Variants in RNF216 observed in about 807,000 individuals in gnomAD.
RNF216 encodes E3 ubiquitin-protein ligase RNF216.
Under a neutral mutation model 110.8 loss-of-function variants are expected in RNF216, and 72 were observed. That is an observed-to-expected ratio of 0.65 (90% CI 0.54 to 0.79). The LOEUF (loss-of-function observed/expected upper bound fraction) is 0.79. Ranked by LOEUF, RNF216 falls within the 30% of genes least tolerant of loss-of-function variation. The pLI is 0.00. For missense variants in RNF216, 1,342 were observed against 1,141.2 expected, an observed-to-expected ratio of 1.18 and a Z score of -2.54; for synonymous variants, 495 against 407.5, an observed-to-expected ratio of 1.21 and a Z score of -2.59.
intron 13 of RNF216, among the ~76,000 whole-genome samples, chr7:5,661,265 T>G (rs852421): frequency 0.12 from 18,297 of 152,120 alleles, 1,399 homozygotes; most frequent in African/African-American, 0.22. Context: ...TCGAAGGGAT[T>G]GGGTCTCACT....
At chr7:5,698,384 T>TACAC (rs376096873) in intron 13 of RNF216, among the ~76,000 whole-genome samples, 14,816 of 145,242 alleles carry the variant, frequency 0.1, 802 homozygotes, top group East Asian at 0.13. Context: ...GATTCTTTTA[T>TACAC]ACACACACAC....
At chr7:5,777,124 A>T (rs1037607397) in intron 1 of RNF216, among the ~76,000 whole-genome samples, 1 of 149,898 alleles carries the variant, frequency 6.7e-6, no homozygotes, top group African/African-American at 2.5e-5. Context: ...GAGCCAGTGG[A>T]GCCCGGCCTT....
intron 13 of RNF216, among the ~76,000 whole-genome samples, chr7:5,671,543 G>GC (rs1789910723): frequency 6.6e-6 from 1 of 152,076 alleles, no homozygotes; most frequent in South Asian, 2.1e-4. Flanking sequence ...GGTGGCTCAC[G>GC]CCTGTAATCC....
intron 9 of RNF216, among the ~76,000 whole-genome samples, chr7:5,718,505 C>T (rs1285732243): frequency 6.6e-6 from 1 of 151,800 alleles, no homozygotes; most frequent in African/African-American, 2.4e-5. Flanking sequence ...AAAAACAAAA[C>T]CAATTCTCTA....
intron 14 of RNF216, among the ~76,000 whole-genome samples, chr7:5,642,387 T>C (rs992403899): frequency 6.6e-6 from 1 of 152,122 alleles, no homozygotes; most frequent in African/African-American, 2.4e-5. Flanking sequence ...CTAAGTTTTG[T>C]ATTTTTAGTA....
At chr7:5,690,530 A>G (rs1791268686) in intron 13 of RNF216, among the ~76,000 whole-genome samples, 2 of 152,106 alleles carry the variant, frequency 1.3e-5, no homozygotes, top group South Asian at 4.1e-4. Flanking sequence ...CACTTAGACC[A>G]GGGGAGGAGG....
intron 3 of RNF216, among the ~76,000 whole-genome samples, chr7:5,751,699 T>C (rs957318708): frequency 3.4e-4 from 52 of 152,054 alleles, no homozygotes; most frequent in African/African-American, 1.2e-3. Context: ...GCTTCTGCTC[T>C]CTTCAGCCCT....
At chr7:5,732,219 G>A (rs1050277175) in intron 5 of RNF216, among the ~76,000 whole-genome samples, 6 of 152,158 alleles carry the variant, frequency 3.9e-5, no homozygotes, top group African/African-American at 1.2e-4. Flanking sequence ...TGTGCACTGA[G>A]GTTATGCAAA....
intron 13 of RNF216, among the ~76,000 whole-genome samples, chr7:5,705,033 G>C (rs746150199): frequency 1.3e-5 from 2 of 152,070 alleles, no homozygotes; most frequent in Non-Finnish European, 2.9e-5. Context: ...ACTTAGCATG[G>C]CCCAGCATTT....
chr7:5,739,230 T>TACC (rs746317006), intron 5 of RNF216, 46 bp downstream of exon 5: 182 of 1,485,530 alleles, frequency 1.2e-4, no homozygotes, highest in African/African-American at 9.6e-4. Flanking sequence ...ACATATATTT[T>TACC]ACCACCACCA....
At chr7:5,765,155 G>C (rs1339638575) in intron 1 of RNF216, among the ~76,000 whole-genome samples, 1 of 151,506 alleles carries the variant, frequency 6.6e-6, no homozygotes, top group Non-Finnish European at 1.5e-5. Context: ...GATACTCAAA[G>C]AGCTATTAAA....
At chr7:5,768,508 TAC>T (rs1052014548) in intron 1 of RNF216, among the ~76,000 whole-genome samples, 3 of 152,056 alleles carry the variant, frequency 2.0e-5, no homozygotes, top group African/African-American at 4.8e-5. Context: ...AACTGCAGAA[TAC>T]ACATTCTTTT....
chr7:5,672,226 T>G (rs936800997), intron 13 of RNF216, among the ~76,000 whole-genome samples: 1 of 152,212 alleles, frequency 6.6e-6, no homozygotes. Context: ...AAACCAAGAA[T>G]GCCACCGATT....
At chr7:5,640,014 C>T (rs1787638001) in intron 15 of RNF216, among the ~76,000 whole-genome samples, 1 of 151,926 alleles carries the variant, frequency 6.6e-6, no homozygotes, top group Non-Finnish European at 1.5e-5. Context: ...CCGCCTCAGC[C>T]TCCCAAAGTG....
chr7:5,627,642 G>C (rs946530857), intron 15 of RNF216, among the ~76,000 whole-genome samples: 3 of 152,052 alleles, frequency 2.0e-5, no homozygotes, highest in Non-Finnish European at 4.4e-5. Context: ...AGCTACTCGG[G>C]AGGCTGAGGC....
chr7:5,734,537 T>C (rs1472857505), intron 5 of RNF216, among the ~76,000 whole-genome samples: 4 of 151,972 alleles, frequency 2.6e-5, no homozygotes, highest in South Asian at 2.1e-4. Flanking sequence ...TTAAAAACTA[T>C]ACACAATAAA....
At chr7:5,630,873 G>A (rs77092068) in intron 15 of RNF216, among the ~76,000 whole-genome samples, 2,253 of 152,236 alleles carry the variant, frequency 0.015, 49 homozygotes, top group African/African-American at 0.051. Context: ...CTGGCACAGC[G>A]AGGTTGTGAC....
In RNF216 at chr7:5,773,444, T is replaced by C. The variant is rs1169350737; in HGVS notation, c.-70+8097A>G. Among the ~76,000 whole-genome samples, 4 of 152,314 alleles carry C rather than the reference T, an allele frequency of 2.6e-5. No homozygotes were observed. In the East Asian group the frequency reaches 7.7e-4, roughly 29 times the overall value. On this transcript the variant is annotated intron_variant, in intron 1 of 16. Coordinates refer to ENST00000389902, the MANE Select transcript of RNF216 (RefSeq NM_207111.4). ...TTTTAGTAGAGACAATGTTTCACCA[T>C]GTTGGCCAGGCTGGTTTCAAACTCC...
intron 13 of RNF216, among the ~76,000 whole-genome samples, chr7:5,678,196 C>T (rs1411301221): frequency 2.0e-5 from 3 of 152,186 alleles, no homozygotes; most frequent in Non-Finnish European, 4.4e-5. Context: ...CTCTGGGGCC[C>T]TCTGCTGACC....
Sources: gnomAD v4.1 joint callset for allele counts (sites outside exome capture counted in the v4.1 genomes callset) on GRCh38, gnomAD v4.1.1 for gene constraint, MANE v1.5 for transcripts, NCBI Gene and HGNC (gene_info 2026-07-23, HGNC 2026-07-21) for gene names.